Variants in LTF observed in about 807,000 individuals in gnomAD.
LTF encodes lactotransferrin, also known as epididymis luminal protein 110.
In LTF, 91 loss-of-function variants were observed where a neutral mutation model predicts 87.2. The observed-to-expected ratio is 1.04, with a 90% CI of 0.88 to 1.24. LTF has a LOEUF of 1.24. Ranked by LOEUF, LTF falls within the 50% of genes most tolerant of loss-of-function variation. LTF has a pLI of 0.00. For missense variants in LTF, 901 were observed against 904.3 expected (o/e 1.00, Z 0.05); for synonymous variants, 378 against 356.1 (o/e 1.06, Z -0.69).
Position 46,449,011 on chromosome 3 carries a change from T to G in LTF, c.1064A>C (p.Glu355Ala). 1 of 1,607,220 alleles carries G rather than the reference T, an allele frequency of 6.2e-7. No homozygotes were observed. The highest frequency in any genetic ancestry group is 8.5e-7 in the Non-Finnish European group (1 of 1,177,414). The change falls in exon 9 of 17, where the codon GAG becomes GCG. Residue 355 changes from glutamate to alanine, a missense_variant. Glu to Ala is a moderately radical substitution (Grantham distance 107). Coordinates refer to ENST00000231751, the MANE Select transcript of LTF (RefSeq NM_002343.6). ...TAIQNLRKSE[E>A]EVAARRARVV... ...CCGCGCACGCCGGGCAGCCACTTCCTCCTCACCTGCCAGAGGGAAGACCGC... is the reference window on the plus strand; with the variant it reads ...CCGCGCACGCCGGGCAGCCACTTCCGCCTCACCTGCCAGAGGGAAGACCGC...
chr3:46,443,447 G>A lies in LTF; in HGVS notation c.1649C>T (p.Ala550Val), dbSNP rs760436305. 2 of 1,614,018 alleles carry A rather than the reference G, an allele frequency of 1.2e-6. No individual in the cohort carries two copies. Among genetic ancestry groups the A allele is most frequent in the African/African-American group, 2.7e-5 (2 of 74,924 alleles). The change falls in exon 13 of 17, where the codon GCT (alanine) becomes GTT (valine). Residue 550 changes from alanine to valine, a missense_variant. Ala to Val is a moderately conservative substitution (Grantham distance 64). Coordinates refer to ENST00000231751, the MANE Select transcript of LTF (RefSeq NM_002343.6). Reference sequence around the variant, plus strand: ...AGCTCAGTCACAGACTCACCGGAAAGCCCCAGTGTAGCCGTAGTATCTCTC... The same window carrying A: ...AGCTCAGTCACAGACTCACCGGAAAACCCCAGTGTAGCCGTAGTATCTCTC... ...SNERYYGYTG[A>V]FRCLAENAGD...
intron 10 of LTF, among the ~76,000 whole-genome samples, chr3:46,446,927 C>T (rs1702669211): frequency 6.6e-6 from 1 of 152,154 alleles, no homozygotes; most frequent in African/African-American, 2.4e-5. Context: ...GCTTCCCTTG[C>T]AGGAGTAAGG....
rs747895608 is a variant in LTF, at chr3:46,464,888, T to C, written c.-21A>G. The C allele has an allele frequency of 6.8e-6, 11 of 1,613,796 alleles. No homozygotes were observed. Among genetic ancestry groups the C allele is most frequent in the South Asian group, 1.1e-5 (1 of 91,036 alleles). On this transcript the variant is annotated 5_prime_UTR_variant, in exon 1 of 17. Coordinates refer to ENST00000231751, the MANE Select transcript of LTF (RefSeq NM_002343.6). ...TTCATGTCTGCGGTCTGGAGGCGAC[T>C]TGGCAAACGAAGGCTCTGCCACTTG... is the stretch of plus-strand genomic sequence containing the variant.
chr3:46,445,528 C>G, intron 11 of LTF, 92 bp from the exon 12 acceptor site: 1 of 1,171,816 alleles, frequency 8.5e-7, no homozygotes, highest in South Asian at 1.5e-5. Context: ...CAGGCCAAAA[C>G]AGGCCAAGAA....
chr3:46,479,362 A>G (rs1468391566), intron 1 of LTF, among the ~76,000 whole-genome samples: 1 of 152,184 alleles, frequency 6.6e-6, no homozygotes, highest in Non-Finnish European at 1.5e-5. Flanking sequence ...CCCTGTGGGT[A>G]CCTAGAAGAC....
rs763624999 is a variant in LTF, at chr3:46,459,830, G to A, written c.44-11C>T. On this transcript the variant is annotated splice_polypyrimidine_tract_variant and intron_variant, in intron 1 of 16. Coordinates refer to ENST00000231751, the MANE Select transcript of LTF (RefSeq NM_002343.6). ...CAGCCAGACACAGTCCTGGGAGAGA[G>A]GGGCCAAGGAGTAAGGATTCAACCA... The A allele has an allele frequency of 1.3e-6, 2 of 1,520,348 alleles. No individual in the cohort carries two copies. Among genetic ancestry groups the A allele is most frequent in the Non-Finnish European group, 1.8e-6 (2 of 1,139,758 alleles). 94.2% of individuals were successfully genotyped at this position (1,520,348 alleles called of 1,614,324 possible). A position where few individuals can be genotyped will look rare whatever the true frequency, so the allele number is the denominator to read the frequency against.
intron 1 of LTF, among the ~76,000 whole-genome samples, chr3:46,474,546 A>G (rs897995557): frequency 3.3e-5 from 5 of 152,244 alleles, no homozygotes; most frequent in African/African-American, 1.2e-4. Flanking sequence ...CTGATAGAAC[A>G]GACAGCAAAT....
rs10662431 is a variant in LTF, at chr3:46,459,794, C to CCTA, written c.68_69insTAG (p.Arg22_Arg23insSer). Reference sequence around the variant, plus strand: ...GGGATACGGCGCACCACTGAACACTCCTCCTACGGCCAGCCAGACACAGTC... The same window carrying CCTA: ...GGGATACGGCGCACCACTGAACACTCCTACTCCTACGGCCAGCCAGACACAGTC... On this transcript the variant is annotated inframe_insertion, in exon 2 of 17. Transcript: ENST00000231751. 16 of 1,564,496 alleles carry CCTA rather than the reference C, an allele frequency of 1.0e-5. No homozygotes were observed. Among genetic ancestry groups the CCTA allele is most frequent in the Non-Finnish European group, 1.4e-5 (16 of 1,161,078 alleles).
intron 1 of LTF, among the ~76,000 whole-genome samples, chr3:46,482,524 G>A (rs1575330577): frequency 1.2e-5 from 1 of 84,720 alleles, no homozygotes; most frequent in Non-Finnish European, 2.3e-5. Context: ...GGAAGGGAAG[G>A]GAAGGGAAGG....
chr3:46,455,082 GT>G (rs776585892), intron 5 of LTF, among the ~76,000 whole-genome samples: 4 of 152,218 alleles, frequency 2.6e-5, no homozygotes, highest in Non-Finnish European at 5.9e-5. Context: ...CGTGGGGCTG[GT>G]GAGAAGTTGG....
At chr3:46,478,446 G>A (rs1703391321) in intron 1 of LTF, among the ~76,000 whole-genome samples, 1 of 152,196 alleles carries the variant, frequency 6.6e-6, no homozygotes. Flanking sequence ...GACACACTTT[G>A]CTCTCCACAG....
intron 8 of LTF, 113 bp from the exon 9 acceptor site, chr3:46,449,130 A>G (rs550845335): frequency 1.1e-6 from 1 of 926,448 alleles, no homozygotes; most frequent in East Asian, 2.7e-5. Context: ...GCTACAGTAC[A>G]TGTGTGGACA....
chr3:46,454,237 A>C (rs1575316646), intron 6 of LTF, 68 bp downstream of exon 6: 1 of 936,596 alleles, frequency 1.1e-6, no homozygotes, highest in Admixed American at 2.4e-5. Context: ...TAATTAGCTC[A>C]AAGGTCAGAG....
rs1173255179 is a variant in LTF at position 46,441,312 on chromosome 3, T to A, written c.1723+104A>T. The stretch of plus-strand genomic sequence containing the variant: ...TTTGGAGTTCTTTTAATCACAAATA[T>A]GGAAAATGTTATAAAACCTTCCCAA... On this transcript the variant is annotated intron_variant, in intron 14 of 16. Transcript: ENST00000231751. The A allele has an allele frequency of 1.5e-5, 12 of 825,450 alleles. No homozygotes were observed. In the East Asian group the frequency reaches 2.6e-4, roughly 18 times the overall value. 51.1% of individuals were successfully genotyped at this position (825,450 alleles called of 1,614,324 possible).
At chr3:46,479,508 C>CTGTTTGTT (rs56170464) in intron 1 of LTF, among the ~76,000 whole-genome samples, 177 of 150,650 alleles carry the variant, frequency 1.2e-3, no homozygotes, top group African/African-American at 3.3e-3. Flanking sequence ...AGTGGCTTTT[C>CTGTTTGTT]TGTTTGTTTG....
intron 10 of LTF, 28 bp downstream of exon 10, chr3:46,447,280 T>C (rs950748151): frequency 1.5e-5 from 23 of 1,572,120 alleles, no homozygotes; most frequent in Non-Finnish European, 1.9e-5. Context: ...CCAGAGGGAA[T>C]ATACCAGAGG....
rs1179613670 is a variant in LTF at position 46,482,609 on chromosome 3, G to GAAGAAAGAAAGAAAGAAAGA, written c.-320+2357_-320+2376dup. Among the ~76,000 whole-genome samples the GAAGAAAGAAAGAAAGAAAGA allele has an allele frequency of 6.0e-4, 34 of 56,982 alleles. 2 individuals carry two copies. Among genetic ancestry groups the GAAGAAAGAAAGAAAGAAAGA allele is most frequent in the African/African-American group, 1.6e-3 (21 of 13,128 alleles). The allele number at this position is 56,982 out of a possible 152,430, so 37.4% of individuals were successfully genotyped here. A position where few individuals can be genotyped will look rare whatever the true frequency, so the allele number is the denominator to read the frequency against. ...GGAGAAAGAGAGAGAAAGAAAGAAA[G>GAAGAAAGAAAGAAAGAAAGA]AAGAAAGAAAGAAAGAAAGAAAGAA... On this transcript the variant is annotated intron_variant, in intron 1 of 19. Coordinates refer to the LTF transcript ENST00000443496.
intron 1 of LTF, among the ~76,000 whole-genome samples, chr3:46,475,515 AAC>A (rs59984149): frequency 0.1 from 13,110 of 130,776 alleles, 692 homozygotes; most frequent in South Asian, 0.16. Context: ...TCTCCCCCTA[AAC>A]ACACACACAC....
chr3:46,477,005 T>A (rs1000489315), intron 1 of LTF, among the ~76,000 whole-genome samples: 2 of 152,252 alleles, frequency 1.3e-5, no homozygotes, highest in African/African-American at 4.8e-5. Context: ...ACATATGTAT[T>A]CTTTTCTGTT....
Sources: gnomAD v4.1 joint callset for allele counts (sites outside exome capture counted in the v4.1 genomes callset) on GRCh38, gnomAD v4.1.1 for gene constraint, MANE v1.5 for transcripts, NCBI Gene and HGNC (gene_info 2026-07-23, HGNC 2026-07-21) for gene names.